The following NEBL variants were observed in gnomAD, a reference collection of about 807,000 sequenced individuals.
NEBL encodes the protein nebulette.
A neutral mutation model predicts 140.2 loss-of-function variants in NEBL; 122 were observed. The ratio of observed to expected loss-of-function variants is 0.87; its 90% CI spans 0.75 to 1.01. The LOEUF (loss-of-function observed/expected upper bound fraction) is 1.01, where lower values mean the gene tolerates loss of function less well. NEBL is among the 50% of genes least tolerant of loss of function. The pLI, the probability that NEBL is intolerant of heterozygous loss-of-function variation, is 0.00. For synonymous variants in NEBL, 436 were observed against 398.9 expected (o/e 1.09, Z -1.11); for missense variants, 1,365 against 1,231.3 (o/e 1.11, Z -1.62).
chr10:20,806,942 T>G (rs2130749627), intron 26 of NEBL, among the ~76,000 whole-genome samples: 1 of 152,332 alleles, frequency 6.6e-6, no homozygotes, highest in East Asian at 1.9e-4. Flanking sequence ...GCTTTGGGTT[T>G]TATTTATCTC....
rs978283734 is a variant in NEBL at position 21,040,948 on chromosome 10, G to T, written c.165-20747C>A. Among the ~76,000 whole-genome samples the T allele has an allele frequency of 2.0e-5, 3 of 152,188 alleles. No individual in the cohort carries two copies. The South Asian group carries it at 6.2e-4, about 32-fold the overall frequency. On this transcript the variant is annotated intron_variant, in intron 2 of 6. Coordinates refer to the NEBL transcript ENST00000417816. ...ACCTAAGTTTCCCGAAGCCTCCCCA[G>T]CCATGCTTCCTGTACAGCATGTGGA...
intron 4 of NEBL, among the ~76,000 whole-genome samples, chr10:20,918,572 G>T (rs989748410): frequency 6.6e-6 from 1 of 151,612 alleles, no homozygotes; most frequent in African/African-American, 2.4e-5. Flanking sequence ...TATTGGGGCC[G>T]GGCACGGCTG....
chr10:21,066,386 T>G (rs1835543383), intron 2 of NEBL, among the ~76,000 whole-genome samples: 1 of 152,206 alleles, frequency 6.6e-6, no homozygotes, highest in African/African-American at 2.4e-5. Flanking sequence ...TGATAGCAAT[T>G]CGTTGTTGAT....
intron 4 of NEBL, among the ~76,000 whole-genome samples, chr10:20,940,674 T>C (rs1410084556): frequency 5.7e-5 from 8 of 140,180 alleles, no homozygotes; most frequent in African/African-American, 1.9e-4. Context: ...ATCAACAAAA[T>C]TGATAGACTG....
intron 1 of NEBL, among the ~76,000 whole-genome samples, chr10:21,262,528 C>G (rs1842752278): frequency 6.6e-6 from 1 of 152,200 alleles, no homozygotes; most frequent in Non-Finnish European, 1.5e-5. Flanking sequence ...CAAAATGTAT[C>G]TGGGATTGGA....
At chr10:20,916,361 C>A (rs1848555786) in intron 4 of NEBL, among the ~76,000 whole-genome samples, 1 of 152,152 alleles carries the variant, frequency 6.6e-6, no homozygotes, top group Non-Finnish European at 1.5e-5. Context: ...CGAAATATTT[C>A]TTAGATAGCT....
At chr10:21,090,738 G>A (rs537159741) in intron 2 of NEBL, among the ~76,000 whole-genome samples, 1 of 152,080 alleles carries the variant, frequency 6.6e-6, no homozygotes, top group African/African-American at 2.4e-5. Flanking sequence ...TCGCCACCTG[G>A]TTTTGTCATT....
At chr10:20,912,401 C>A (rs577669937) in intron 4 of NEBL, among the ~76,000 whole-genome samples, 1 of 152,120 alleles carries the variant, frequency 6.6e-6, no homozygotes, top group Non-Finnish European at 1.5e-5. Flanking sequence ...CAATGCGCTA[C>A]GATCGTGCCA....
chr10:21,008,096 C>T (rs1172403197), intron 3 of NEBL, among the ~76,000 whole-genome samples: 1 of 152,084 alleles, frequency 6.6e-6, no homozygotes, highest in Non-Finnish European at 1.5e-5. Context: ...GAACATTGTC[C>T]TTCCAAGTTA....
intron 2 of NEBL, among the ~76,000 whole-genome samples, chr10:21,053,820 G>C (rs1834889342): frequency 6.6e-6 from 1 of 152,114 alleles, no homozygotes; most frequent in Non-Finnish European, 1.5e-5. Flanking sequence ...ATCACTTGAG[G>C]TCAAGAGTTC....
intron 2 of NEBL, among the ~76,000 whole-genome samples, chr10:21,096,555 C>T (rs11012523): frequency 0.08 from 11,863 of 148,598 alleles, 766 homozygotes; most frequent in East Asian, 0.24. Flanking sequence ...AGTCTGTCAC[C>T]CATGCTGGAG....
At chr10:20,963,904 C>A (rs2131622641) in intron 3 of NEBL, among the ~76,000 whole-genome samples, 1 of 152,312 alleles carries the variant, frequency 6.6e-6, no homozygotes, top group South Asian at 2.1e-4. Flanking sequence ...ACCCTCTCAG[C>A]ACCAGTTCAA....
At chr10:21,156,223 C>G in intron 2 of NEBL, among the ~76,000 whole-genome samples, 1 of 152,096 alleles carries the variant, frequency 6.6e-6, no homozygotes, top group East Asian at 1.9e-4. Flanking sequence ...CTTTAAAGAC[C>G]AGGAGAGTTT....
chr10:20,848,834 C>A (rs1435771254), intron 11 of NEBL, among the ~76,000 whole-genome samples: 1 of 152,198 alleles, frequency 6.6e-6, no homozygotes, highest in East Asian at 1.9e-4. Context: ...ACAAGTAATT[C>A]TTTTTCCTTT....
At chr10:20,970,537 T>C (rs1214619712) in intron 3 of NEBL, among the ~76,000 whole-genome samples, 1 of 151,864 alleles carries the variant, frequency 6.6e-6, no homozygotes, top group Non-Finnish European at 1.5e-5. Context: ...TCCCAGCTAC[T>C]CAGGAGGCCT....
At chr10:21,143,264 C>T (rs963953304) in intron 2 of NEBL, among the ~76,000 whole-genome samples, 4 of 151,932 alleles carry the variant, frequency 2.6e-5, no homozygotes, top group African/African-American at 7.3e-5. Flanking sequence ...GCCTGGCCAA[C>T]ATGGCGAAAC....
intron 4 of NEBL, among the ~76,000 whole-genome samples, chr10:20,931,300 G>A (rs1416012044): frequency 1.3e-5 from 2 of 152,052 alleles, no homozygotes; most frequent in Non-Finnish European, 2.9e-5. Flanking sequence ...TCTTTAAACT[G>A]CAAAACTGAT....
chr10:20,840,913 T>A, intron 12 of NEBL, 64 bp from the exon 13 acceptor site: 1 of 933,908 alleles, frequency 1.1e-6, no homozygotes, highest in Non-Finnish European at 1.7e-6. Context: ...TGTGCTATTC[T>A]ACATGTTTTC....
chr10:20,935,790 C>T (rs936006792), intron 4 of NEBL, among the ~76,000 whole-genome samples: 3 of 152,080 alleles, frequency 2.0e-5, no homozygotes, highest in African/African-American at 7.2e-5. Flanking sequence ...CAAAATAGCT[C>T]ATTTGTGAAA....
Sources: allele counts gnomAD v4.1 joint callset (sites outside exome capture counted in the v4.1 genomes callset), GRCh38; gene constraint gnomAD v4.1.1; transcripts MANE v1.5; gene names NCBI Gene and HGNC (gene_info 2026-07-23, HGNC 2026-07-21).